MAPK6: variants seen among roughly 807,000 people sequenced by gnomAD.
MAPK6 encodes ERK-3.
A neutral mutation model predicts 59.3 loss-of-function variants in MAPK6; 19 were observed. The ratio of observed to expected loss-of-function variants is 0.32; its 90% confidence interval spans 0.22 to 0.47. MAPK6 has a LOEUF of 0.47. MAPK6 is among the 20% of genes least tolerant of loss of function. The pLI, the probability that MAPK6 is intolerant of heterozygous loss-of-function variation, is 1.00. For synonymous variants in MAPK6, 316 were observed against 290.3 expected (o/e 1.09, Z -0.90); for missense variants, 724 against 847.9 (o/e 0.85, Z 1.81).
chr15:52,063,113 G>C (rs2032269901), intron 5 of MAPK6, among the ~76,000 whole-genome samples: 1 of 152,110 alleles, frequency 6.6e-6, no homozygotes, highest in African/African-American at 2.4e-5. Flanking sequence ...CTGTTGCCAG[G>C]CTGGAGTGCA....
At chr15:52,055,406 A>C (rs1406327687) in intron 3 of MAPK6, among the ~76,000 whole-genome samples, 1 of 152,262 alleles carries the variant, frequency 6.6e-6, no homozygotes, top group African/African-American at 2.4e-5. Context: ...ACTTTGTCTT[A>C]GAACAAAAAC....
At chr15:51,981,325 T>C (rs1057274077) in intron 1 of MAPK6, among the ~76,000 whole-genome samples, 1 of 151,814 alleles carries the variant, frequency 6.6e-6, no homozygotes, top group South Asian at 2.1e-4. Context: ...TACAAAAAAT[T>C]AGCCGCGTGT....
intron 4 of MAPK6, among the ~76,000 whole-genome samples, chr15:52,059,962 G>GA (rs1298575504): frequency 2.6e-4 from 40 of 152,222 alleles, no homozygotes; most frequent in Non-Finnish European, 5.4e-4. Context: ...ATCTTTGAAG[G>GA]AAAAAAGCAA....
intron 1 of MAPK6, among the ~76,000 whole-genome samples, chr15:51,977,415 T>C (rs1338477815): frequency 6.6e-6 from 1 of 151,894 alleles, no homozygotes; most frequent in African/African-American, 2.4e-5. Flanking sequence ...TGAGGCTCCA[T>C]GCTGTGAAAA....
intron 2 of MAPK6, among the ~76,000 whole-genome samples, chr15:51,991,141 A>G (rs2057206865): frequency 9.1e-6 from 1 of 110,338 alleles, no homozygotes; most frequent in Non-Finnish European, 1.7e-5. Flanking sequence ...AAAGAAATAT[A>G]TATATATACA....
intron 1 of MAPK6, among the ~76,000 whole-genome samples, chr15:51,980,504 A>G (rs900042799): frequency 6.8e-6 from 1 of 147,872 alleles, no homozygotes; most frequent in Non-Finnish European, 1.5e-5. Context: ...TTTGGTATCT[A>G]GGATGCATAA....
At chr15:52,049,612 A>AT (rs934846995) in intron 2 of MAPK6, among the ~76,000 whole-genome samples, 5,732 of 124,172 alleles carry the variant, frequency 0.046, 248 homozygotes, top group East Asian at 0.16. Flanking sequence ...AAAGATTAGG[A>AT]TTTTTTTTTT....
chr15:52,018,512 G>A (rs1328382060), upstream of MAPK6, among the ~76,000 whole-genome samples: 1 of 152,148 alleles, frequency 6.6e-6, no homozygotes, highest in African/African-American at 2.4e-5. Context: ...AAGGCTCCTT[G>A]GACTCAATAA....
intron 1 of MAPK6, among the ~76,000 whole-genome samples, chr15:52,030,681 C>T (rs1243293513): frequency 8.6e-6 from 1 of 116,266 alleles, no homozygotes; most frequent in African/African-American, 3.3e-5. Context: ...TGAAGGAGTA[C>T]AGCGGTGCAA....
chr15:52,051,218 C>T lies in MAPK6; in HGVS notation c.700+1081C>T, dbSNP rs889693383. Among the ~76,000 whole-genome samples, 7 of 152,160 alleles carry T rather than the reference C, an allele frequency of 4.6e-5. No homozygotes were observed. The East Asian group carries it at 5.8e-4, about 13-fold the overall frequency. ...GACTACAGGCGCCCGCCCCGTCGCC[C>T]GGCTAATTTTTTGTATTTTTAGTGG... On this transcript the variant is annotated intron_variant, in intron 3 of 5. Coordinates refer to ENST00000261845, the MANE Select transcript of MAPK6 (RefSeq NM_002748.4).
chr15:52,064,933 C>T lies in MAPK6; in HGVS notation c.2099C>T (p.Ser700Phe), dbSNP rs765679331. 1 of 1,611,732 alleles carries T rather than the reference C, an allele frequency of 6.2e-7. No individual in the cohort carries two copies. The highest frequency in any genetic ancestry group is 8.5e-7 in the Non-Finnish European group (1 of 1,179,732). Reference protein sequence around the residue: ...LKSIQATLTPSAMKSSPQIPH... With the variant: ...LKSIQATLTPFAMKSSPQIPH... Reference sequence around the variant, plus strand: ...TCAATACAGGCCACATTAACACCTTCTGCTATGAAATCTTCCCCTCAAATT... The same window carrying T: ...TCAATACAGGCCACATTAACACCTTTTGCTATGAAATCTTCCCCTCAAATT... The change falls in exon 6 of 6, where the codon TCT becomes TTT. Residue 700 changes from serine (S) to phenylalanine (F), a missense_variant. By Grantham distance (155) the Ser-to-Phe change is radical (BLOSUM62 -2). Around this residue, in one of 4 missense-constraint regions of MAPK6, gnomAD observed 502 missense variants for 507.6 expected, o/e 0.99. Transcript: ENST00000261845.
At chr15:51,997,180 C>G (rs2141820954) in intron 2 of MAPK6, among the ~76,000 whole-genome samples, 1 of 152,018 alleles carries the variant, frequency 6.6e-6, no homozygotes, top group South Asian at 2.1e-4. Flanking sequence ...CTGGGTTTCA[C>G]CATGTTGGCC....
intron 3 of MAPK6, among the ~76,000 whole-genome samples, chr15:52,052,133 G>A (rs2470598): frequency 0.012 from 1,884 of 152,224 alleles, 29 homozygotes; most frequent in African/African-American, 0.044. Flanking sequence ...TCAAAATATG[G>A]GAGTGGTTTA....
intron 1 of MAPK6, among the ~76,000 whole-genome samples, chr15:52,021,753 G>T (rs987334861): frequency 8.5e-5 from 13 of 152,126 alleles, no homozygotes; most frequent in African/African-American, 2.9e-4. Context: ...TATTTAATCA[G>T]ATATGGCTCT....
chr15:52,039,911 C>T (rs1366629190), intron 1 of MAPK6, among the ~76,000 whole-genome samples: 1 of 152,148 alleles, frequency 6.6e-6, no homozygotes, highest in Non-Finnish European at 1.5e-5. Flanking sequence ...CTACCCAAAG[C>T]CTTTCAGACT....
At chr15:52,032,324 G>A (rs939009395) in intron 1 of MAPK6, among the ~76,000 whole-genome samples, 4 of 150,570 alleles carry the variant, frequency 2.7e-5, no homozygotes, top group Non-Finnish European at 4.4e-5. Context: ...CCGAATAGCT[G>A]GGATTACAGT....
Position 52,061,399 on chromosome 15 carries a change from A to C in MAPK6, c.966A>C (p.Pro322=). ...SHPYMSIYSF[P]MDEPISSHPF... ...CTTACATGAGCATATATTCTTTTCC[A>C]ATGGATGAGCCAATTTCAAGCCATC... Residue 322 remains proline, a synonymous_variant, in exon 5 of 6, where the codon CCA becomes CCC. Transcript: ENST00000261845. 1 of 1,614,006 alleles carries C rather than the reference A, an allele frequency of 6.2e-7. No homozygotes were observed. The highest frequency in any genetic ancestry group is 1.3e-5 in the African/African-American group (1 of 75,042).
intron 1 of MAPK6, among the ~76,000 whole-genome samples, chr15:52,044,487 C>A (rs771653916): frequency 7.2e-5 from 11 of 152,028 alleles, no homozygotes; most frequent in Admixed American, 7.2e-4. Flanking sequence ...ATATATTAAA[C>A]GAATAAATTG....
intron 3 of MAPK6, chr15:52,056,964 G>A (rs915007810): frequency 1.1e-4 from 16 of 152,252 alleles, no homozygotes; most frequent in African/African-American, 3.9e-4. Flanking sequence ...ACCCAGAACT[G>A]GGCCCCTGAT....
Sources: allele counts gnomAD v4.1 joint callset (sites outside exome capture counted in the v4.1 genomes callset), GRCh38; gene constraint gnomAD v4.1.1; regional missense constraint gnomAD v4.1.1; transcripts MANE v1.5; gene names NCBI Gene and HGNC (gene_info 2026-07-23, HGNC 2026-07-21).